DCDC1: variants seen among roughly 807,000 people sequenced by gnomAD.
The protein encoded by DCDC1 is doublecortin domain-containing protein 1.
In DCDC1, 200 loss-of-function variants were observed where a neutral mutation model predicts 178.3. The observed-to-expected ratio is 1.12, with a 90% CI of 1.00 to 1.26. DCDC1 has a LOEUF of 1.26. DCDC1 is among the 50% of genes most tolerant of loss of function. DCDC1 has a pLI of 0.00. For missense variants in DCDC1, 1,983 were observed against 1,749.2 expected (o/e 1.13, Z -2.38); for synonymous variants, 690 against 604.8 (o/e 1.14, Z -2.07).
At chr11:30,935,023 T>G (rs1565095637) in intron 21 of DCDC1, among the ~76,000 whole-genome samples, 1 of 152,206 alleles carries the variant, frequency 6.6e-6, no homozygotes, top group Non-Finnish European at 1.5e-5. Context: ...AAACTTTCCC[T>G]GTGTTGACAG....
chr11:31,202,818 G>C (rs757013038), intron 9 of DCDC1, among the ~76,000 whole-genome samples: 2 of 152,076 alleles, frequency 1.3e-5, no homozygotes, highest in Non-Finnish European at 2.9e-5. Context: ...TTCAGTGAAG[G>C]CATTTCCCAG....
intron 20 of DCDC1, among the ~76,000 whole-genome samples, chr11:30,987,361 G>T (rs1299702279): frequency 6.6e-6 from 1 of 152,110 alleles, no homozygotes; most frequent in African/African-American, 2.4e-5. Context: ...ATGAAACTGA[G>T]CCATTTGATA....
intron 16 of DCDC1, among the ~76,000 whole-genome samples, chr11:31,092,989 A>C (rs1957907537): frequency 6.6e-6 from 1 of 152,220 alleles, no homozygotes; most frequent in Non-Finnish European, 1.5e-5. Context: ...AAATCTGCAC[A>C]GTTCTTGTAA....
chr11:30,925,832 C>CTT (rs557645161), intron 22 of DCDC1, among the ~76,000 whole-genome samples: 5 of 152,150 alleles, frequency 3.3e-5, no homozygotes, highest in Non-Finnish European at 5.9e-5. Flanking sequence ...CTGATGTAGT[C>CTT]TTGTTCTTTC....
intron 18 of DCDC1, among the ~76,000 whole-genome samples, chr11:31,072,645 G>T (rs1333129191): frequency 6.6e-6 from 1 of 152,002 alleles, no homozygotes; most frequent in Non-Finnish European, 1.5e-5. Context: ...TGAAGGAGGT[G>T]ATATAATTTT....
chr11:31,359,857 C>G (rs1951617970), intron 1 of DCDC1, among the ~76,000 whole-genome samples: 1 of 152,142 alleles, frequency 6.6e-6, no homozygotes, highest in East Asian at 1.9e-4. Flanking sequence ...CATATAAGAG[C>G]TAAGGTGGTA....
intron 1 of DCDC1, among the ~76,000 whole-genome samples, chr11:31,366,697 T>C (rs530604361): frequency 2.0e-5 from 3 of 152,292 alleles, no homozygotes; most frequent in East Asian, 1.9e-4. Flanking sequence ...ACCCAAAAAG[T>C]CAATCACTGA....
chr11:31,111,498 A>G (rs948663196), intron 11 of DCDC1, among the ~76,000 whole-genome samples: 2 of 152,162 alleles, frequency 1.3e-5, no homozygotes, highest in East Asian at 1.9e-4. Context: ...CTGATAGTCC[A>G]GTCAAGAACC....
intron 25 of DCDC1, among the ~76,000 whole-genome samples, chr11:30,917,944 G>A (rs1268806185): frequency 6.6e-6 from 1 of 152,084 alleles, no homozygotes; most frequent in African/African-American, 2.4e-5. Flanking sequence ...AAATGTAATA[G>A]AAGTATTACA....
In DCDC1 at chr11:31,167,115, C is replaced by A. The variant is rs534555469; in HGVS notation, c.1222-29331G>T. 5.0e-4 allele frequency among the ~76,000 whole-genome samples: 76 copies of A among 152,088 alleles called. 1 individual carries two copies. Among genetic ancestry groups the A allele is most frequent in the Non-Finnish European group, 9.6e-4 (65 of 68,010 alleles). On this transcript the variant is annotated intron_variant, in intron 9 of 38. Transcript: ENST00000684477. ...CATGAATGTAGGTGGAACTATTATGCAACTATATTTCACTCAATTCATGGT... is the reference window on the plus strand; with the variant it reads ...CATGAATGTAGGTGGAACTATTATGAAACTATATTTCACTCAATTCATGGT...
At chr11:31,053,023 C>T (rs866048575) in intron 20 of DCDC1, among the ~76,000 whole-genome samples, 29 of 151,620 alleles carry the variant, frequency 1.9e-4, no homozygotes, top group African/African-American at 5.3e-4. Context: ...AAAAAAATTA[C>T]GAAAGATAAA....
chr11:30,878,378 C>T (rs765785909), intron 38 of DCDC1, among the ~76,000 whole-genome samples, 166 bp downstream of exon 38: 4 of 151,924 alleles, frequency 2.6e-5, no homozygotes, highest in East Asian at 3.9e-4. Context: ...ACGTGAGCCC[C>T]GGGAGGTCAA....
chr11:31,311,187 G>T (rs1399945685), intron 3 of DCDC1, among the ~76,000 whole-genome samples: 1 of 152,104 alleles, frequency 6.6e-6, no homozygotes, highest in African/African-American at 2.4e-5. Context: ...CACAGGATAG[G>T]ACACCCCTGT....
intron 21 of DCDC1, among the ~76,000 whole-genome samples, chr11:30,941,357 A>G (rs1170116033): frequency 2.6e-5 from 4 of 152,182 alleles, no homozygotes; most frequent in African/African-American, 7.2e-5. Context: ...TTATAATGAC[A>G]TGGAAGGCCC....
In DCDC1 at chr11:31,213,373, A is replaced by C. The variant is rs12271026; in HGVS notation, c.1221+28077T>G. On this transcript the variant is annotated intron_variant, in intron 9 of 38. Coordinates refer to ENST00000684477, the MANE Select transcript of DCDC1 (RefSeq NM_001387274.1). ...CCTGAGTCTATTTATCAATTTGTTT[A>C]ACATCTAAAGTAGGAGTATTAAATC... Among the ~76,000 whole-genome samples, 807 of 151,906 alleles carry C rather than the reference A, an allele frequency of 5.3e-3. 9 individuals are homozygous for C. The highest frequency in any genetic ancestry group is 0.019 in the African/African-American group (767 of 41,388).
chr11:30,903,939 T>C, intron 31 of DCDC1: 1 of 279,894 alleles, frequency 3.6e-6, no homozygotes, highest in Non-Finnish European at 6.6e-6. Flanking sequence ...AGCTGACATA[T>C]ATTAATATAT....
intron 36 of DCDC1, chr11:30,883,277 A>G (rs1217925390): frequency 5.8e-6 from 1 of 172,206 alleles, no homozygotes. Flanking sequence ...AATTCAAATC[A>G]TTATTAGGGC....
At chr11:30,975,604 T>C (rs961419852) in intron 20 of DCDC1, among the ~76,000 whole-genome samples, 7 of 151,996 alleles carry the variant, frequency 4.6e-5, no homozygotes, top group Admixed American at 1.3e-4. Context: ...TCGAGGCTCA[T>C]TTATAATAGC....
chr11:31,259,035 G>A (rs2137052332), intron 8 of DCDC1, among the ~76,000 whole-genome samples: 1 of 152,216 alleles, frequency 6.6e-6, no homozygotes, highest in South Asian at 2.1e-4. Context: ...ACTGCCAGAT[G>A]TTGCAAGAAT....
Sources: allele counts gnomAD v4.1 joint callset (sites outside exome capture counted in the v4.1 genomes callset), GRCh38; gene constraint gnomAD v4.1.1; transcripts MANE v1.5; gene names NCBI Gene and HGNC (gene_info 2026-07-23, HGNC 2026-07-21).